IL31RA: variants seen among roughly 807,000 people sequenced by gnomAD.
IL31RA encodes interleukin 31 receptor A, also known as interleukin-31 receptor subunit alpha.
A neutral mutation model predicts 83.7 loss-of-function variants in IL31RA; 66 were observed. That is an observed-to-expected ratio of 0.79 (90% CI 0.65 to 0.97). The LOEUF (loss-of-function observed/expected upper bound fraction) is 0.97, where lower values mean the gene tolerates loss of function less well. Ranked by LOEUF, IL31RA falls within the 50% of genes least tolerant of loss-of-function variation. The pLI is 0.00. For synonymous variants in IL31RA, 325 were observed against 329.0 expected, an observed-to-expected ratio of 0.99 and a Z score of 0.13; for missense variants, 798 against 919.4, an observed-to-expected ratio of 0.87 and a Z score of 1.71.
At chr5:55,861,420 T>A (rs1745678238) in intron 2 of IL31RA, among the ~76,000 whole-genome samples, 1 of 152,208 alleles carries the variant, frequency 6.6e-6, no homozygotes, top group Admixed American at 6.5e-5. Context: ...GAGATTCTCA[T>A]GGGAGCACGA....
At chr5:55,860,642 G>C (rs1358109135) in intron 2 of IL31RA, among the ~76,000 whole-genome samples, 2 of 152,188 alleles carry the variant, frequency 1.3e-5, no homozygotes, top group African/African-American at 2.4e-5. Flanking sequence ...CATTTCTATA[G>C]TGTTCCAACT....
intron 6 of IL31RA, among the ~76,000 whole-genome samples, chr5:55,891,266 C>A (rs982348526): frequency 6.6e-5 from 10 of 152,152 alleles, no homozygotes; most frequent in Non-Finnish European, 1.3e-4. Flanking sequence ...AGAGCCTTGC[C>A]CAGAGTCTGA....
chr5:55,911,677 A>T (rs1032056975), intron 12 of IL31RA, among the ~76,000 whole-genome samples: 7 of 152,146 alleles, frequency 4.6e-5, no homozygotes, highest in Admixed American at 2.0e-4. Context: ...AAGCAGAAAG[A>T]AGGAAGGAGA....
chr5:55,916,803 C>G lies in IL31RA; in HGVS notation c.1978C>G (p.Gln660Glu). ...TTTCACAGATGAAGCCAGAACGGGT[C>G]AGGAAAACAATTTAGGAGGGGAAAA... is the stretch of plus-strand genomic sequence containing the variant. ...EIFTDEARTGQENNLGGEKNG... is the reference protein window; with the variant it reads ...EIFTDEARTGEENNLGGEKNG... Residue 660 changes from glutamine to glutamate, a missense_variant, in exon 15 of 15, where the codon CAG (glutamine) becomes GAG (glutamate). By Grantham distance (29) the Gln-to-Glu change is conservative (BLOSUM62 2). Coordinates refer to ENST00000652347, the MANE Select transcript of IL31RA (RefSeq NM_139017.7). The G allele has an allele frequency of 1.2e-6, 2 of 1,614,156 alleles. No individual in the cohort carries two copies. Among genetic ancestry groups the G allele is most frequent in the South Asian group, 1.1e-5 (1 of 91,080 alleles).
At chr5:55,901,345 G>A (rs1205223634) in intron 8 of IL31RA, among the ~76,000 whole-genome samples, 4 of 152,096 alleles carry the variant, frequency 2.6e-5, no homozygotes, top group Non-Finnish European at 5.9e-5. Context: ...GCCCCAGGAT[G>A]GGAGGTGGTA....
intron 5 of IL31RA, among the ~76,000 whole-genome samples, chr5:55,886,966 C>T (rs186002631): frequency 7.2e-5 from 11 of 152,308 alleles, no homozygotes; most frequent in African/African-American, 2.6e-4. Context: ...CTTTCTCTTC[C>T]AGTTACACTG....
intron 2 of IL31RA, among the ~76,000 whole-genome samples, chr5:55,860,051 C>T (rs1411545165): frequency 1.3e-5 from 2 of 151,968 alleles, no homozygotes. Flanking sequence ...TAAAATGGAG[C>T]CATTAAAACA....
intron 4 of IL31RA, among the ~76,000 whole-genome samples, chr5:55,882,433 T>C (rs577834288): frequency 2.6e-5 from 4 of 152,278 alleles, no homozygotes; most frequent in East Asian, 1.9e-4. Flanking sequence ...CAAATAATTA[T>C]ACGGAAAACG....
In IL31RA at chr5:55,874,804, G is replaced by A. The variant is rs551613193; in HGVS notation, c.454+2353G>A. Among the ~76,000 whole-genome samples, 98 of 152,180 alleles carry A rather than the reference G, an allele frequency of 6.4e-4. 1 individual carries two copies. Among genetic ancestry groups the A allele is most frequent in the Admixed American group, 2.8e-3 (43 of 15,290 alleles). On this transcript the variant is annotated intron_variant, in intron 4 of 14. Coordinates refer to ENST00000652347, the MANE Select transcript of IL31RA (RefSeq NM_139017.7). ...TTCCTTAGGATTGTCTGTATACAAG[G>A]TCATGTCATCTGCAAACATAATCTT...
At chr5:55,846,765 C>G (rs1194098801), upstream of IL31RA, among the ~76,000 whole-genome samples, 1 of 152,054 alleles carries the variant, frequency 6.6e-6, no homozygotes, top group Admixed American at 6.5e-5. Flanking sequence ...GCACTCCAGC[C>G]TGGGTGACAG....
upstream of IL31RA, among the ~76,000 whole-genome samples, chr5:55,850,044 T>C (rs1052338743): frequency 1.3e-5 from 2 of 152,206 alleles, no homozygotes; most frequent in Admixed American, 6.5e-5. Context: ...ATAAAGGAAT[T>C]GATCCATTGC....
At chr5:55,899,383 G>T (rs932631587) in intron 7 of IL31RA, among the ~76,000 whole-genome samples, 1 of 152,240 alleles carries the variant, frequency 6.6e-6, no homozygotes. Context: ...TCTCGCCAAG[G>T]GTTTGGGACT....
chr5:55,895,269 C>T (rs976479992), intron 6 of IL31RA, among the ~76,000 whole-genome samples: 4 of 152,182 alleles, frequency 2.6e-5, no homozygotes, highest in African/African-American at 9.7e-5. Context: ...TTGTTTAGAA[C>T]TCTCTGCTTT....
upstream of IL31RA, among the ~76,000 whole-genome samples, chr5:55,849,607 G>C (rs992046766): frequency 6.6e-6 from 1 of 152,090 alleles, no homozygotes; most frequent in Non-Finnish European, 1.5e-5. Flanking sequence ...CTTTCTAAGA[G>C]TGCTGCAAAA....
chr5:55,894,742 C>T (rs972456371), intron 6 of IL31RA, among the ~76,000 whole-genome samples: 9 of 152,224 alleles, frequency 5.9e-5, no homozygotes, highest in Admixed American at 2.6e-4. Flanking sequence ...TTTTGAGACA[C>T]GACTCGCTCT....
chr5:55,885,200 A>G (rs2112450035), intron 5 of IL31RA, among the ~76,000 whole-genome samples: 1 of 152,212 alleles, frequency 6.6e-6, no homozygotes, highest in African/African-American at 2.4e-5. Flanking sequence ...TCCCTTGTGG[A>G]AACCCATAGA....
intron 5 of IL31RA, among the ~76,000 whole-genome samples, chr5:55,886,752 G>A (rs1027151328): frequency 1.3e-5 from 2 of 152,106 alleles, no homozygotes; most frequent in African/African-American, 4.8e-5. Context: ...TTGCCTCTCT[G>A]GTCATTCTGA....
chr5:55,854,158 A>G (rs1331496022), intron 1 of IL31RA, among the ~76,000 whole-genome samples: 1 of 152,188 alleles, frequency 6.6e-6, no homozygotes, highest in East Asian at 1.9e-4. Flanking sequence ...GCAGGCTGTC[A>G]CTGTTCCAAC....
chr5:55,909,075 C>G (rs544128157), intron 11 of IL31RA: 35 of 185,332 alleles, frequency 1.9e-4, no homozygotes, highest in Non-Finnish European at 3.3e-4. Context: ...CCCCTGGCAA[C>G]TACCAAACTG....
Sources: allele counts gnomAD v4.1 joint callset (sites outside exome capture counted in the v4.1 genomes callset), GRCh38; gene constraint gnomAD v4.1.1; transcripts MANE v1.5; gene names NCBI Gene and HGNC (gene_info 2026-07-23, HGNC 2026-07-21).